EFCAB8: variants seen among roughly 807,000 people sequenced by gnomAD.
EFCAB8 encodes EF-hand calcium binding domain 8.
In EFCAB8, 100 loss-of-function variants were observed where a neutral mutation model predicts 116.3. That is an observed-to-expected ratio of 0.86 (90% CI 0.73 to 1.02). The LOEUF is 1.02. Ranked by LOEUF, EFCAB8 falls within the 50% of genes least tolerant of loss-of-function variation. The pLI is 0.00. For synonymous variants in EFCAB8, 558 were observed against 567.9 expected, an observed-to-expected ratio of 0.98 and a Z score of 0.25; for missense variants, 1,320 against 1,416.9, an observed-to-expected ratio of 0.93 and a Z score of 1.10.
At chr20:32,918,641 G>A (rs1414589463) in intron 19 of EFCAB8, 67 bp downstream of exon 19, 1 of 1,419,146 alleles carries the variant, frequency 7.0e-7, no homozygotes. Context: ...CACACCGTCT[G>A]TGTGTGTGTT....
At chr20:32,937,083 A>C (rs1425987856) in intron 22 of EFCAB8, among the ~76,000 whole-genome samples, 1 of 151,754 alleles carries the variant, frequency 6.6e-6, no homozygotes, top group Non-Finnish European at 1.5e-5. Flanking sequence ...ATTTAATTTT[A>C]TATTGTATTT....
intron 1 of EFCAB8, among the ~76,000 whole-genome samples, chr20:32,859,901 GT>G (rs1984015218): frequency 6.6e-6 from 1 of 152,102 alleles, no homozygotes; most frequent in African/African-American, 2.4e-5. Context: ...CAGCATTTTT[GT>G]TTTTTCCCAA....
chr20:32,959,804 T>C lies in EFCAB8; in HGVS notation c.3116T>C (p.Leu1039Pro). Residue 1039 changes from leucine to proline, a missense_variant, in exon 25 of 27, where the codon CTG becomes CCG. By Grantham distance (98) the Leu-to-Pro change is moderately conservative. Coordinates refer to ENST00000400522, the MANE Select transcript of EFCAB8 (RefSeq NM_001143967.2). ...LQEQRDLAEA[L>P]IYQRREQAAL... ...GAGCAGCGGGATCTGGCTGAGGCCC[T>C]GATATACCAGCGGCGAGAGCAGGCG... 6.6e-7 allele frequency: 1 copy of C among 1,519,176 alleles called. No individual in the cohort carries two copies. The highest frequency in any genetic ancestry group is 8.9e-7 in the Non-Finnish European group (1 of 1,129,234). The allele number at this position is 1,519,176 out of a possible 1,614,324, so 94.1% of individuals were successfully genotyped here.
At chr20:32,865,484 G>C (rs892096071) in intron 2 of EFCAB8, among the ~76,000 whole-genome samples, 10 of 151,896 alleles carry the variant, frequency 6.6e-5, no homozygotes, top group African/African-American at 1.9e-4. Context: ...TCAGAAGCAG[G>C]GTAAAGTCAT....
At chr20:32,899,643 C>T (rs1463345232) in intron 11 of EFCAB8, among the ~76,000 whole-genome samples, 3 of 151,776 alleles carry the variant, frequency 2.0e-5, no homozygotes, top group Admixed American at 1.3e-4. Flanking sequence ...GGTGCGATCT[C>T]GGCTCGCCAC....
At chr20:32,873,913 G>A (rs1478978056) in intron 3 of EFCAB8, among the ~76,000 whole-genome samples, 2 of 150,804 alleles carry the variant, frequency 1.3e-5, no homozygotes, top group African/African-American at 4.9e-5. Context: ...TCTTTTCTTC[G>A]TTTTTATTTT....
At chr20:32,933,307 T>C (rs1193322905) in intron 22 of EFCAB8, among the ~76,000 whole-genome samples, 1 of 152,206 alleles carries the variant, frequency 6.6e-6, no homozygotes, top group Non-Finnish European at 1.5e-5. Flanking sequence ...TCCTATACCA[T>C]CAAGTATTCT....
intron 2 of EFCAB8, among the ~76,000 whole-genome samples, chr20:32,867,041 C>T (rs1026302212): frequency 1.3e-5 from 2 of 152,158 alleles, no homozygotes; most frequent in African/African-American, 4.8e-5. Context: ...CCTCAGCCTC[C>T]TGAGTAGCTG....
At chr20:32,952,376 T>C (rs1988826609) in intron 23 of EFCAB8, among the ~76,000 whole-genome samples, 1 of 152,264 alleles carries the variant, frequency 6.6e-6, no homozygotes, top group Admixed American at 6.5e-5. Context: ...ATAAGTTTTA[T>C]AGTTTTCACT....
chr20:32,918,847 A>G (rs933154205), intron 19 of EFCAB8, among the ~76,000 whole-genome samples: 1 of 152,182 alleles, frequency 6.6e-6, no homozygotes, highest in Non-Finnish European at 1.5e-5. Flanking sequence ...GGACCCAAAG[A>G]GAACACAACC....
chr20:32,956,055 C>T (rs995358637), intron 23 of EFCAB8, among the ~76,000 whole-genome samples: 2 of 151,608 alleles, frequency 1.3e-5, no homozygotes, highest in East Asian at 3.9e-4. Flanking sequence ...TTTTTTCTTC[C>T]TTTTCTTATT....
Position 32,920,081 on chromosome 20 carries a change from C to T in EFCAB8, c.2278C>T (p.Pro760Ser). 2.6e-6 allele frequency: 4 copies of T among 1,551,726 alleles called. No individual in the cohort carries two copies. Among genetic ancestry groups the T allele is most frequent in the Non-Finnish European group, 3.5e-6 (4 of 1,147,006 alleles). ...EPDRPVPQQK[P>S]SSASGTSRQS... ...GGGTGCCCATCTTTCTTTCCAGAAA[C>T]CTTCCAGTGCTTCTGGCACATCCAG... The change falls in exon 20 of 27, where the codon CCT becomes TCT. Residue 760 changes from proline (P) to serine (S), a missense_variant. By Grantham distance (74) the Pro-to-Ser change is moderately conservative (BLOSUM62 -1). Coordinates refer to ENST00000400522, the MANE Select transcript of EFCAB8 (RefSeq NM_001143967.2).
intron 16 of EFCAB8, 42 bp from the exon 17 acceptor site, chr20:32,912,752 T>G (rs769253273): frequency 1.1e-4 from 76 of 717,592 alleles, no homozygotes; most frequent in Middle Eastern, 6.8e-4. Context: ...AGCCATTTTC[T>G]CTGATAAGTT....
chr20:32,903,177 C>T (rs1156608920), intron 11 of EFCAB8, among the ~76,000 whole-genome samples: 6 of 152,230 alleles, frequency 3.9e-5, no homozygotes, highest in Non-Finnish European at 8.8e-5. Flanking sequence ...CATGCCCTCT[C>T]CTCCTGGCCC....
rs559588097 is a variant in EFCAB8, at chr20:32,959,880, G to T, written c.3192G>T (p.Trp1064Cys). The T allele has an allele frequency of 6.4e-7, 1 of 1,551,380 alleles. No individual in the cohort carries two copies. The highest frequency in any genetic ancestry group is 2.0e-5 in the Admixed American group (1 of 50,962). ...HGKADKEADTWAKLQKMALMS... is the reference protein window; with the variant it reads ...HGKADKEADTCAKLQKMALMS... ...AGGCAGATAAGGAGGCAGACACTTG[G>T]GCCAAGCTGCAGAAGATGGCCCTGA... The change falls in exon 25 of 27, where the codon TGG becomes TGT. Residue 1064 changes from tryptophan (W) to cysteine (C), a missense_variant. Trp to Cys is a radical substitution (Grantham distance 215, BLOSUM62 -2). Coordinates refer to ENST00000400522, the MANE Select transcript of EFCAB8 (RefSeq NM_001143967.2).
chr20:32,888,788 A>G (rs369325297), intron 6 of EFCAB8, among the ~76,000 whole-genome samples: 4 of 152,038 alleles, frequency 2.6e-5, no homozygotes, highest in East Asian at 3.9e-4. Context: ...GGTGGTGTCC[A>G]TGGTGTGGGT....
At chr20:32,950,010 A>AAACC (rs1555871610) in intron 23 of EFCAB8, among the ~76,000 whole-genome samples, 1 of 106,698 alleles carries the variant, frequency 9.4e-6, no homozygotes, top group Admixed American at 8.5e-5. Context: ...AAAAACAAAC[A>AAACC]AAACAACAAA....
At position 32,875,914 on chromosome 20, in the gene EFCAB8, C is replaced by G. The variant is rs1283991711; in HGVS notation, c.209-12C>G. The G allele has an allele frequency of 3.2e-6, 5 of 1,550,738 alleles. No homozygotes were observed. The highest frequency in any genetic ancestry group is 4.4e-6 in the Non-Finnish European group (5 of 1,146,092). ...GAGGAAGGGGATGATGCTCTCTGTT[C>G]TCTCTTTGAAGCCCTGGGCATGGAC... On this transcript the variant is annotated splice_polypyrimidine_tract_variant and intron_variant, in intron 3 of 26. Transcript: ENST00000400522.
At position 32,931,275 on chromosome 20, in the gene EFCAB8, T is replaced by G; in HGVS notation, c.2729T>G (p.Leu910Trp). ...TCTGAAGCACACAACAAGTTCCGGT[T>G]GTTAATTCCTCAGCAACTTGGGACC... is the stretch of plus-strand genomic sequence containing the variant. Reference protein sequence around the residue: ...VVSEAHNKFRLLIPQQLGTNF... With the variant: ...VVSEAHNKFRWLIPQQLGTNF... The change falls in exon 22 of 27, where the codon TTG (leucine) becomes TGG (tryptophan). Residue 910 changes from leucine (L) to tryptophan (W), a missense_variant. By Grantham distance (61) the Leu-to-Trp change is moderately conservative. Coordinates refer to ENST00000400522, the MANE Select transcript of EFCAB8 (RefSeq NM_001143967.2). 6.4e-7 allele frequency: 1 copy of G among 1,551,660 alleles called. No homozygotes were observed. The highest frequency in any genetic ancestry group is 8.7e-7 in the Non-Finnish European group (1 of 1,146,956).
Sources: allele counts gnomAD v4.1 joint callset (sites outside exome capture counted in the v4.1 genomes callset), GRCh38; gene constraint gnomAD v4.1.1; transcripts MANE v1.5; gene names NCBI Gene and HGNC (gene_info 2026-07-23, HGNC 2026-07-21).